Variants in PAK1 observed in about 807,000 individuals in gnomAD.
PAK1 encodes the protein serine/threonine-protein kinase PAK 1.
A neutral mutation model predicts 67.4 loss-of-function variants in PAK1; 29 were observed. The ratio of observed to expected loss-of-function variants is 0.43; its 90% CI spans 0.32 to 0.59. PAK1 has a LOEUF of 0.59. Ranked by LOEUF, PAK1 falls within the 20% of genes least tolerant of loss-of-function variation. The probability of loss-of-function intolerance (pLI) is 0.07; values close to 1 mark genes in which losing one functional copy is unlikely to be tolerated. For missense variants in PAK1, 337 were observed against 670.7 expected, an observed-to-expected ratio of 0.50 and a Z score of 5.50; for synonymous variants, 223 against 237.4, an observed-to-expected ratio of 0.94 and a Z score of 0.56.
At chr11:77,479,396 T>C (rs559547407), upstream of PAK1, among the ~76,000 whole-genome samples, 1 of 152,058 alleles carries the variant, frequency 6.6e-6, no homozygotes, top group Admixed American at 6.6e-5. Flanking sequence ...TGTAAGCCAC[T>C]AAGTTTGTGG....
At chr11:77,348,395 A>C (rs534918721) in intron 9 of PAK1, among the ~76,000 whole-genome samples, 28 of 152,382 alleles carry the variant, frequency 1.8e-4, no homozygotes, top group African/African-American at 6.5e-4. Flanking sequence ...TCTACTGAAT[A>C]TAAGACCTTG....
intron 1 of PAK1, among the ~76,000 whole-genome samples, chr11:77,417,138 T>C (rs2853087): frequency 0.24 from 37,255 of 152,104 alleles, 5,649 homozygotes; most frequent in South Asian, 0.45. Flanking sequence ...TTCCTAGGTA[T>C]TTACTCAAAT....
At chr11:77,377,416 T>C (rs867129914) in intron 4 of PAK1, among the ~76,000 whole-genome samples, 5 of 152,204 alleles carry the variant, frequency 3.3e-5, no homozygotes, top group South Asian at 4.1e-4. Flanking sequence ...CTTCAACTTA[T>C]AGAAAATTAA....
chr11:77,361,749 T>C (rs1946820876), intron 5 of PAK1, among the ~76,000 whole-genome samples: 1 of 152,130 alleles, frequency 6.6e-6, no homozygotes, highest in African/African-American at 2.4e-5. Context: ...TCTTTTAAAG[T>C]ATAGTCTGAT....
chr11:77,441,985 T>C (rs1377005135), intron 1 of PAK1, among the ~76,000 whole-genome samples: 2 of 152,004 alleles, frequency 1.3e-5, no homozygotes, highest in African/African-American at 4.8e-5. Context: ...CTTAGAAAAA[T>C]TAATAGTAGA....
chr11:77,426,705 T>G (rs1955564389), intron 1 of PAK1, among the ~76,000 whole-genome samples: 1 of 152,196 alleles, frequency 6.6e-6, no homozygotes, highest in African/African-American at 2.4e-5. Flanking sequence ...GTTAGTCTTG[T>G]AGGTAAGTAT....
intron 13 of PAK1, among the ~76,000 whole-genome samples, chr11:77,334,635 G>A (rs989156422): frequency 2.0e-5 from 3 of 152,158 alleles, no homozygotes; most frequent in Non-Finnish European, 4.4e-5. Context: ...GTACTTGATC[G>A]AACCCCTCTC....
intron 1 of PAK1, among the ~76,000 whole-genome samples, chr11:77,471,295 C>G (rs942410203): frequency 8.5e-5 from 13 of 152,192 alleles, no homozygotes; most frequent in African/African-American, 3.1e-4. Flanking sequence ...AAGAGCAGAT[C>G]TTTTAACCCA....
the PAK1 span, among the ~76,000 whole-genome samples, chr11:77,512,914 C>T: frequency 5.3e-5 from 8 of 151,958 alleles, no homozygotes; most frequent in East Asian, 5.8e-4. Flanking sequence ...GGCAACATGG[C>T]GAAACCCTGT....
the PAK1 span, among the ~76,000 whole-genome samples, chr11:77,480,631 C>T: frequency 1.1e-3 from 163 of 149,348 alleles, 1 homozygote; most frequent in Middle Eastern, 0.038. Flanking sequence ...TCAAGTGGTT[C>T]TGCTGCCGCA....
intron 1 of PAK1, among the ~76,000 whole-genome samples, chr11:77,454,520 C>T (rs1230265332): frequency 1.3e-5 from 2 of 149,140 alleles, no homozygotes; most frequent in African/African-American, 4.9e-5. Flanking sequence ...AGAGCCCAGA[C>T]TTTTTTTTTT....
chr11:77,411,857 C>T (rs927131634), intron 1 of PAK1: 1 of 152,364 alleles, frequency 6.6e-6, no homozygotes, highest in East Asian at 1.9e-4. Flanking sequence ...CGGGTACCCA[C>T]AAGGCCCCTG....
upstream of PAK1, chr11:77,476,803 G>A (rs1958065345): frequency 6.6e-6 from 1 of 151,972 alleles, no homozygotes; most frequent in African/African-American, 2.4e-5. Flanking sequence ...TGGCCAACAT[G>A]GTGAAACCCC....
the PAK1 span, among the ~76,000 whole-genome samples, chr11:77,523,154 A>G: frequency 4.0e-4 from 61 of 152,160 alleles, no homozygotes; most frequent in Non-Finnish European, 7.6e-4. Flanking sequence ...GGTCAGTTAT[A>G]CCCCAAACCT....
At chr11:77,355,272 G>C (rs1945851917) in intron 7 of PAK1, among the ~76,000 whole-genome samples, 1 of 152,098 alleles carries the variant, frequency 6.6e-6, no homozygotes, top group African/African-American at 2.4e-5. Flanking sequence ...AACCAAGATG[G>C]CAGATGCGTC....
the PAK1 span, among the ~76,000 whole-genome samples, chr11:77,497,718 A>C: frequency 1.3e-3 from 195 of 152,346 alleles, no homozygotes; most frequent in Admixed American, 2.0e-3. Context: ...TGTTCAGTAC[A>C]TCACTATGGA....
In PAK1 at chr11:77,322,886, T is replaced by G; in HGVS notation, c.*388A>C. On this transcript the variant is annotated 3_prime_UTR_variant, in exon 15 of 15. Coordinates refer to ENST00000356341, the MANE Select transcript of PAK1 (RefSeq NM_002576.5). ...AAAGCAAGCACTAAAGAAATCTCAA[T>G]TGATTACAAATTGATAATATTATCA... The G allele has an allele frequency of 1.9e-6, 1 of 540,380 alleles. No individual in the cohort carries two copies. The highest frequency in any genetic ancestry group is 2.5e-5 in the South Asian group (1 of 40,228). The allele number at this position is 540,380 out of a possible 1,614,324, so 33.5% of individuals were successfully genotyped here.
chr11:77,400,471 T>C (rs186638495), intron 1 of PAK1, among the ~76,000 whole-genome samples: 2 of 152,268 alleles, frequency 1.3e-5, no homozygotes, highest in East Asian at 3.9e-4. Context: ...AAAGAGGTAT[T>C]GCCTGGAGGA....
At chr11:77,403,338 A>C (rs1952973450) in intron 1 of PAK1, among the ~76,000 whole-genome samples, 1 of 152,194 alleles carries the variant, frequency 6.6e-6, no homozygotes, top group South Asian at 2.1e-4. Flanking sequence ...TTCAACAGCC[A>C]CAATGATGAT....
Sources: gnomAD v4.1 joint callset for allele counts (sites outside exome capture counted in the v4.1 genomes callset) on GRCh38, gnomAD v4.1.1 for gene constraint, MANE v1.5 for transcripts, NCBI Gene and HGNC (gene_info 2026-07-23, HGNC 2026-07-21) for gene names.